SLC4A4: variants seen among roughly 807,000 people sequenced by gnomAD.
SLC4A4 encodes the protein solute carrier family 4 member 4.
Under a neutral mutation model 111.5 loss-of-function variants are expected in SLC4A4, and 27 were observed. The observed-to-expected ratio is 0.24, with a 90% CI of 0.18 to 0.33. The LOEUF (loss-of-function observed/expected upper bound fraction) is 0.33, where lower values mean the gene tolerates loss of function less well. Ranked by LOEUF, SLC4A4 falls within the 10% of genes least tolerant of loss-of-function variation. The pLI is 1.00. For missense variants in SLC4A4, 909 were observed against 1,315.5 expected (o/e 0.69, Z 4.78); for synonymous variants, 443 against 463.4 (o/e 0.96, Z 0.57).
Position 71,570,587 on chromosome 4 carries a change from C to T in SLC4A4, c.*2836C>T, listed in dbSNP as rs1737871874. 1 of 152,140 alleles carries T rather than the reference C, an allele frequency of 6.6e-6. No individual in the cohort carries two copies. The allele number at this position is 152,140 out of a possible 1,614,324, so 9.4% of individuals were successfully genotyped here. ...ACAACAGTAAATTTTTTTATAAGTG[C>T]TTCTCCCTTCTCCATGATGTGACTT... On this transcript the variant is annotated 3_prime_UTR_variant, in exon 26 of 26. Coordinates refer to ENST00000264485, the MANE Select transcript of SLC4A4 (RefSeq NM_001098484.3).
At position 71,255,177 on chromosome 4, in the gene SLC4A4, G is replaced by A; in HGVS notation, c.74-43G>A. 1.9e-6 allele frequency: 3 copies of A among 1,553,948 alleles called. No individual in the cohort carries two copies. In the South Asian group the frequency reaches 3.3e-5, roughly 17 times the overall value. On this transcript the variant is annotated intron_variant, in intron 2 of 25. Transcript: ENST00000264485. ...TCTTGTGCAATTTGTCTGCAGTAGA[G>A]AATGTGGTTTGAACTGACTGGTGAT...
At chr4:71,501,852 G>A (rs1409550158) in intron 16 of SLC4A4, among the ~76,000 whole-genome samples, 1 of 152,062 alleles carries the variant, frequency 6.6e-6, no homozygotes, top group Non-Finnish European at 1.5e-5. Flanking sequence ...TTTTAGTAGA[G>A]ATGGGGTTTC....
At chr4:71,264,109 A>T (rs965195437) in intron 3 of SLC4A4, among the ~76,000 whole-genome samples, 2 of 152,158 alleles carry the variant, frequency 1.3e-5, no homozygotes, top group Non-Finnish European at 2.9e-5. Context: ...CTATATGTGT[A>T]TCTGGGATAG....
intron 20 of SLC4A4, among the ~76,000 whole-genome samples, chr4:71,548,489 T>A (rs955683479): frequency 6.6e-6 from 1 of 151,856 alleles, no homozygotes; most frequent in Admixed American, 6.6e-5. Flanking sequence ...TCCAATTTTC[T>A]TTTATGATGC....
chr4:71,381,204 A>G (rs1314073646), intron 6 of SLC4A4, among the ~76,000 whole-genome samples: 3 of 152,200 alleles, frequency 2.0e-5, no homozygotes, highest in Non-Finnish European at 4.4e-5. Context: ...TTCAACTATA[A>G]TGACAAGCTT....
intron 2 of SLC4A4, among the ~76,000 whole-genome samples, chr4:71,122,861 T>C (rs1743470878): frequency 6.6e-6 from 1 of 152,162 alleles, no homozygotes; most frequent in Non-Finnish European, 1.5e-5. Flanking sequence ...CTCATGTCAA[T>C]ATGAACAGGT....
intron 1 of SLC4A4, among the ~76,000 whole-genome samples, chr4:71,074,020 G>C (rs1741743112): frequency 6.6e-6 from 1 of 151,982 alleles, no homozygotes; most frequent in African/African-American, 2.4e-5. Flanking sequence ...GGGAGAGCCA[G>C]ATGCTGTCTC....
intron 2 of SLC4A4, among the ~76,000 whole-genome samples, chr4:71,253,682 C>T (rs1721239071): frequency 2.6e-5 from 4 of 152,090 alleles, no homozygotes; most frequent in Admixed American, 2.6e-4. Context: ...TTTCCTACTT[C>T]CTAGTATAAT....
chr4:71,235,595 G>A (rs574397934), intron 1 of SLC4A4, among the ~76,000 whole-genome samples: 2 of 152,282 alleles, frequency 1.3e-5, no homozygotes, highest in South Asian at 4.1e-4. Context: ...TAGACCTCAT[G>A]GAATTCTGTA....
chr4:71,116,943 CAA>C (rs112257014), intron 2 of SLC4A4, among the ~76,000 whole-genome samples: 3,594 of 116,530 alleles, frequency 0.031, 135 homozygotes, highest in African/African-American at 0.1. Flanking sequence ...AACTCCATCT[CAA>C]AAAAAAAAAA....
At chr4:71,565,881 G>A (rs1315486760) in intron 24 of SLC4A4, among the ~76,000 whole-genome samples, 3 of 151,756 alleles carry the variant, frequency 2.0e-5, no homozygotes. Flanking sequence ...ATCTCCGTAG[G>A]GCTCCCCATG....
intron 7 of SLC4A4, among the ~76,000 whole-genome samples, chr4:71,401,554 G>A (rs953982711): frequency 2.0e-5 from 3 of 152,018 alleles, no homozygotes; most frequent in Non-Finnish European, 2.9e-5. Flanking sequence ...CCTTTGATTT[G>A]CTTTTCCATT....
intron 2 of SLC4A4, among the ~76,000 whole-genome samples, chr4:71,137,799 G>GT (rs756130219): frequency 1.4e-4 from 22 of 152,122 alleles, no homozygotes; most frequent in African/African-American, 5.1e-4. Flanking sequence ...CAAGGAAAAC[G>GT]TTTTTTTCGT....
chr4:71,092,470 C>T (rs16845732), intron 1 of SLC4A4, among the ~76,000 whole-genome samples: 13,959 of 152,102 alleles, frequency 0.092, 797 homozygotes, highest in African/African-American at 0.16. Context: ...AGATATTTGT[C>T]GAGACAGTTT....
In SLC4A4 at chr4:71,339,522, T is replaced by C; in HGVS notation, c.389+17T>C. ...AACAGCCAGGTGAGGCATAGCTGAC[T>C]GTATGTAGTACTGACCCAGGGAAAC... On this transcript the variant is annotated intron_variant, in intron 4 of 25. Coordinates refer to ENST00000264485, the MANE Select transcript of SLC4A4 (RefSeq NM_001098484.3). The C allele has an allele frequency of 6.2e-7, 1 of 1,611,534 alleles. No homozygotes were observed. Among genetic ancestry groups the C allele is most frequent in the Non-Finnish European group, 8.5e-7 (1 of 1,179,154 alleles).
intron 3 of SLC4A4, among the ~76,000 whole-genome samples, chr4:71,338,443 T>C (rs1728603337): frequency 6.6e-6 from 1 of 152,186 alleles, no homozygotes; most frequent in Non-Finnish European, 1.5e-5. Flanking sequence ...CCCAGGGATT[T>C]TGAGGAGTAT....
chr4:71,479,094 G>A (rs1032851829), intron 14 of SLC4A4, among the ~76,000 whole-genome samples: 3 of 151,644 alleles, frequency 2.0e-5, no homozygotes, highest in Admixed American at 2.0e-4. Context: ...GCCTCAAAGG[G>A]ATAGACACTA....
At chr4:71,288,904 A>G (rs575834577) in intron 3 of SLC4A4, among the ~76,000 whole-genome samples, 3 of 152,134 alleles carry the variant, frequency 2.0e-5, no homozygotes, top group East Asian at 1.9e-4. Context: ...TTTTTTTTGT[A>G]TGATTGGAAT....
At chr4:71,155,893 G>C (rs1304404371) in intron 2 of SLC4A4, among the ~76,000 whole-genome samples, 1 of 152,180 alleles carries the variant, frequency 6.6e-6, no homozygotes, top group Non-Finnish European at 1.5e-5. Flanking sequence ...AAGTCCATTT[G>C]ATATGACAGC....
Sources: allele counts gnomAD v4.1 joint callset (sites outside exome capture counted in the v4.1 genomes callset), GRCh38; gene constraint gnomAD v4.1.1; transcripts MANE v1.5; gene names NCBI Gene and HGNC (gene_info 2026-07-23, HGNC 2026-07-21).